Variants in CENPN observed in about 807,000 individuals in gnomAD.
The protein encoded by CENPN is interphase centromere complex protein 32.
In CENPN, 36 loss-of-function variants were observed where a neutral mutation model predicts 48.6. That is an observed-to-expected ratio of 0.74 (90% confidence interval 0.57 to 0.98). The LOEUF (loss-of-function observed/expected upper bound fraction) is 0.98. CENPN is among the 50% of genes least tolerant of loss of function. CENPN has a pLI of 0.00. For synonymous variants in CENPN, 166 were observed against 135.2 expected, an observed-to-expected ratio of 1.23 and a Z score of -1.58; for missense variants, 439 against 399.2, an observed-to-expected ratio of 1.10 and a Z score of -0.85.
intron 5 of CENPN, 27 bp from the exon 6 acceptor site, chr16:81,020,073 A>G: frequency 6.8e-7 from 1 of 1,474,830 alleles, no homozygotes; most frequent in Non-Finnish European, 9.0e-7. Context: ...TTAGGAAATT[A>G]AGCCTTTTTT....
At position 81,022,646 on chromosome 16, in the gene CENPN, G is replaced by C; in HGVS notation, c.581G>C (p.Arg194Thr). ...CATCAGATTGTGAAAATGGACCTGA[G>C]AAGTCGGTATCTGGACTCTCTTAAG... Reference protein sequence around the residue: ...KHHQIVKMDLRSRYLDSLKAI... With the variant: ...KHHQIVKMDLTSRYLDSLKAI... Residue 194 changes from arginine to threonine, a missense_variant, in exon 7 of 11, where the codon AGA (arginine) becomes ACA (threonine). Coordinates refer to ENST00000305850, the MANE Select transcript of CENPN (RefSeq NM_001100624.3). The C allele has an allele frequency of 6.2e-7, 1 of 1,614,088 alleles. No individual in the cohort carries two copies. The highest frequency in any genetic ancestry group is 8.5e-7 in the Non-Finnish European group (1 of 1,180,004).
At position 81,029,230 on chromosome 16, in the gene CENPN, C is replaced by T; in HGVS notation, c.*579C>T. The T allele has an allele frequency of 1.1e-6, 1 of 912,456 alleles. No homozygotes were observed. Among genetic ancestry groups the T allele is most frequent in the Non-Finnish European group, 1.3e-6 (1 of 763,512 alleles). 56.5% of individuals were successfully genotyped at this position (912,456 alleles called of 1,614,324 possible). ...TAGTGTTCTTATTGTAAATATGATA[C>T]TTCTCATAATCTATTTTATCATGTG... On this transcript the variant is annotated 3_prime_UTR_variant, in exon 11 of 11. Coordinates refer to ENST00000305850, the MANE Select transcript of CENPN (RefSeq NM_001100624.3).
intron 1 of CENPN, among the ~76,000 whole-genome samples, chr16:81,009,714 A>G (rs1487754418): frequency 6.6e-6 from 1 of 152,244 alleles, no homozygotes; most frequent in Non-Finnish European, 1.5e-5. Flanking sequence ...TCAGTGTTCA[A>G]CAAATAAGTC....
In CENPN at chr16:81,028,673, A is replaced by G; in HGVS notation, c.*22A>G. ...ATAAGACGTGCGTGGTTTCTTAAGC[A>G]CAGCTCCTCCTTCTTGATATTGCAC... On this transcript the variant is annotated 3_prime_UTR_variant, in exon 11 of 11. Coordinates refer to ENST00000305850, the MANE Select transcript of CENPN (RefSeq NM_001100624.3). 1 of 1,602,392 alleles carries G rather than the reference A, an allele frequency of 6.2e-7. No homozygotes were observed. The highest frequency in any genetic ancestry group is 8.5e-7 in the Non-Finnish European group (1 of 1,177,254).
At position 81,017,770 on chromosome 16, in the gene CENPN, A is replaced by T. The variant is rs749532476; in HGVS notation, c.290A>T (p.Asp97Val). Residue 97 changes from aspartate (D) to valine (V), a missense_variant, in exon 5 of 11, where the codon GAC becomes GTC. Asp to Val is a radical substitution (Grantham distance 152, BLOSUM62 -3). Transcript: ENST00000305850. ...TTCACTTTGGCAGGTGAAGATGTTG[A>T]CCTTTTTGATATGAAACAATTTAAA... ...QMSKGPGEDV[D>V]LFDMKQFKNS... 6.3e-7 allele frequency: 1 copy of T among 1,587,912 alleles called. No individual in the cohort carries two copies. The highest frequency in any genetic ancestry group is 8.6e-7 in the Non-Finnish European group (1 of 1,169,550).
At chr16:81,018,813 G>T (rs768482581) in intron 5 of CENPN, among the ~76,000 whole-genome samples, 15 of 152,162 alleles carry the variant, frequency 9.9e-5, no homozygotes, top group Non-Finnish European at 1.5e-4. Context: ...ATTTGCTAGT[G>T]CCACTGTAAC....
rs1350658194 is a variant in CENPN at position 81,031,112 on chromosome 16, G to C, written c.*2461G>C. On this transcript the variant is annotated 3_prime_UTR_variant, in exon 11 of 11. Transcript: ENST00000305850. ...TTGGTTCAGAGCTCTAAAATGGAGG[G>C]AGGAAGCCATTCTAAAAAGGACTCC... 1 of 151,400 alleles carries C rather than the reference G, an allele frequency of 6.6e-6. No individual in the cohort carries two copies. Among genetic ancestry groups the C allele is most frequent in the Non-Finnish European group, 1.5e-5 (1 of 67,890 alleles). 9.4% of individuals were successfully genotyped at this position (151,400 alleles called of 1,614,324 possible).
At chr16:81,018,958 C>A (rs1970050512) in intron 5 of CENPN, among the ~76,000 whole-genome samples, 1 of 152,164 alleles carries the variant, frequency 6.6e-6, no homozygotes, top group African/African-American at 2.4e-5. Context: ...AGCTGATAAT[C>A]CAGGAGCAGC....
Position 81,014,190 on chromosome 16 carries a change from C to T in CENPN, c.217+9C>T. The T allele has an allele frequency of 6.2e-7, 1 of 1,609,784 alleles. No individual in the cohort carries two copies. Among genetic ancestry groups the T allele is most frequent in the Non-Finnish European group, 8.5e-7 (1 of 1,176,292 alleles). Reference sequence around the variant, plus strand: ...CCTGTTAGACATCATTTGTAAGTGTCAGTGATTTGTATTTATACTTAACCA... The same window carrying T: ...CCTGTTAGACATCATTTGTAAGTGTTAGTGATTTGTATTTATACTTAACCA... On this transcript the variant is annotated intron_variant, in intron 3 of 10. Transcript: ENST00000305850.
chr16:81,022,734 T>C (rs1970273221), intron 7 of CENPN, 36 bp downstream of exon 7: 1 of 1,613,974 alleles, frequency 6.2e-7, no homozygotes, highest in South Asian at 1.1e-5. Flanking sequence ...AAGGTAAATC[T>C]TTATTTTCTC....
At chr16:81,007,915 T>C (rs1597300465) in intron 1 of CENPN, among the ~76,000 whole-genome samples, 1 of 152,132 alleles carries the variant, frequency 6.6e-6, no homozygotes, top group African/African-American at 2.4e-5. Context: ...GAGACCAGCC[T>C]GGCCAACATG....
At chr16:81,020,409 G>C (rs1048948083) in intron 6 of CENPN, 133 bp downstream of exon 6, 1 of 860,278 alleles carries the variant, frequency 1.2e-6, no homozygotes, top group Non-Finnish European at 1.6e-6. Context: ...TGTGGTCCCA[G>C]CTACTTGGGA....
At position 81,008,633 on chromosome 16, in the gene CENPN, C is replaced by G. The variant is rs13337826; in HGVS notation, c.-11+1356C>G. Among the ~76,000 whole-genome samples the G allele has an allele frequency of 2.5e-3, 377 of 152,224 alleles. 2 individuals are homozygous for G. Among genetic ancestry groups the G allele is most frequent in the African/African-American group, 8.7e-3 (360 of 41,556 alleles). On this transcript the variant is annotated intron_variant, in intron 1 of 10. Transcript: ENST00000305850. ...GTGATACACCACGCCCGGCGCGCTC[C>G]CGGCCCCTCGCCCGTGTTCTTAATG...
chr16:81,032,184 C>T (rs1461795170), downstream of CENPN, among the ~76,000 whole-genome samples: 1 of 152,168 alleles, frequency 6.6e-6, no homozygotes, highest in Non-Finnish European at 1.5e-5. Context: ...ACACAGTTGC[C>T]TTCTATTCTG....
At chr16:81,013,256 G>C (rs1362111420) in intron 2 of CENPN, among the ~76,000 whole-genome samples, 3 of 152,198 alleles carry the variant, frequency 2.0e-5, no homozygotes, top group Non-Finnish European at 4.4e-5. Flanking sequence ...TAATTGTGCT[G>C]AGTAAAAGCC....
rs891506758 is a variant in CENPN at position 81,030,230 on chromosome 16, C to T, written c.*1579C>T. On this transcript the variant is annotated 3_prime_UTR_variant, in exon 11 of 11. Coordinates refer to ENST00000305850, the MANE Select transcript of CENPN (RefSeq NM_001100624.3). The stretch of plus-strand genomic sequence containing the variant: ...TATCACAGGCATGAGCTACCACGCC[C>T]GCCAGCATGTCTTTTTTAAACATTT... 233 of 985,322 alleles carry T rather than the reference C, an allele frequency of 2.4e-4. No homozygotes were observed. The highest frequency in any genetic ancestry group is 5.2e-4 in the Middle Eastern group (1 of 1,936). 61.0% of individuals were successfully genotyped at this position (985,322 alleles called of 1,614,324 possible). A position where few individuals can be genotyped will look rare whatever the true frequency, so the allele number is the denominator to read the frequency against.
At chr16:81,026,718 C>A in intron 9 of CENPN, 80 bp downstream of exon 9, 3 of 619,626 alleles carry the variant, frequency 4.8e-6, no homozygotes, top group Non-Finnish European at 2.8e-6. Context: ...GAAAACAGAT[C>A]TAAGAAACTG....
Position 81,012,068 on chromosome 16 carries a change from G to A in CENPN, c.129G>A (p.Gln43=). ...AACTGCAGACTGTAAATTTCCGACA[G>A]AGAAAGGAATCTGTAGTTCAGCACT... ...ENQLQTVNFR[Q]RKESVVQHLI... Residue 43 remains glutamine (Q), a synonymous_variant, in exon 2 of 11, where the codon CAG becomes CAA. Transcript: ENST00000305850. 2 of 1,614,184 alleles carry A rather than the reference G, an allele frequency of 1.2e-6. No homozygotes were observed. Among genetic ancestry groups the A allele is most frequent in the Middle Eastern group, 1.7e-4 (1 of 6,060 alleles).
chr16:81,029,297 G>T lies in CENPN; in HGVS notation c.*646G>T. 2 of 923,656 alleles carry T rather than the reference G, an allele frequency of 2.2e-6. No homozygotes were observed. Among genetic ancestry groups the T allele is most frequent in the South Asian group, 1.0e-4 (2 of 19,958 alleles). The allele number at this position is 923,656 out of a possible 1,614,324, so 57.2% of individuals were successfully genotyped here. A position where few individuals can be genotyped will look rare whatever the true frequency, so the allele number is the denominator to read the frequency against. On this transcript the variant is annotated 3_prime_UTR_variant, in exon 11 of 11. Transcript: ENST00000305850. ...ACAAATATATTGACTTATGAATAAA[G>T]GTGTCAAAAAACTGGCACATCAGTT...
Sources: gnomAD v4.1 joint callset for allele counts (sites outside exome capture counted in the v4.1 genomes callset) on GRCh38, gnomAD v4.1.1 for gene constraint, MANE v1.5 for transcripts, NCBI Gene and HGNC (gene_info 2026-07-23, HGNC 2026-07-21) for gene names.